PALM: variants seen among roughly 807,000 people sequenced by gnomAD.
PALM encodes paralemmin.
PALM carries 18 observed loss-of-function variants against 30.7 expected under a neutral mutation model. The ratio of observed to expected loss-of-function variants is 0.59; its 90% CI spans 0.41 to 0.87. The LOEUF is 0.87. Ranked by LOEUF, PALM falls within the 40% of genes least tolerant of loss-of-function variation. The pLI is 0.00. For missense variants in PALM, 529 were observed against 555.4 expected (o/e 0.95, Z 0.48); for synonymous variants, 286 against 242.8 (o/e 1.18, Z -1.66).
intron 1 of PALM, among the ~76,000 whole-genome samples, chr19:720,423 G>A (rs1400989899): frequency 4.2e-5 from 6 of 144,410 alleles, no homozygotes; most frequent in Admixed American, 6.8e-5. Context: ...GGCGAGGGGG[G>A]CGCCGGGTCT....
At chr19:733,912 G>C (rs1367987447) in intron 5 of PALM, among the ~76,000 whole-genome samples, 2 of 152,186 alleles carry the variant, frequency 1.3e-5, no homozygotes, top group Non-Finnish European at 2.9e-5. Flanking sequence ...CTTGAACCCA[G>C]GAGGCGGAAG....
intron 2 of PALM, 43 bp from the exon 3 acceptor site, chr19:726,965 G>GGGGGGGGGCCCGGCC: frequency 1.9e-6 from 2 of 1,037,616 alleles, no homozygotes; most frequent in African/African-American, 1.7e-5. Context: ...GGGTCTCCGG[G>GGGGGGGGGCCCGGCC]ACCCCCACGC....
chr19:716,784 A>C (rs944562937), intron 1 of PALM, among the ~76,000 whole-genome samples: 1 of 152,124 alleles, frequency 6.6e-6, no homozygotes, highest in Non-Finnish European at 1.5e-5. Flanking sequence ...CCCATTACAC[A>C]TGCACGTATA....
chr19:735,479 A>G (rs1370302627), intron 6 of PALM, among the ~76,000 whole-genome samples: 4 of 73,802 alleles, frequency 5.4e-5, no homozygotes, highest in East Asian at 6.8e-4. Context: ...CTGGGGGCCC[A>G]GGTGCCTGTG....
intron 1 of PALM, among the ~76,000 whole-genome samples, chr19:720,360 G>GA (rs1266501065): frequency 6.8e-6 from 1 of 147,992 alleles, no homozygotes; most frequent in Non-Finnish European, 1.5e-5. Flanking sequence ...GGGGAAAGGC[G>GA]AGGGGGCGTC....
At chr19:730,273 C>T (rs2067030) in intron 4 of PALM, among the ~76,000 whole-genome samples, 2 of 151,716 alleles carry the variant, frequency 1.3e-5, no homozygotes, top group South Asian at 4.1e-4. Flanking sequence ...ACCTGTCAGC[C>T]TGGGCCCACC....
At chr19:729,807 C>T (rs985945599) in intron 4 of PALM, among the ~76,000 whole-genome samples, 2 of 152,146 alleles carry the variant, frequency 1.3e-5, no homozygotes, top group Non-Finnish European at 2.9e-5. Flanking sequence ...CCAGCTGTGT[C>T]CCTGGGCTGG....
At position 709,347 on chromosome 19, in the gene PALM, C is replaced by G. The variant is rs1410990479; in HGVS notation, c.5+196C>G. Among the ~76,000 whole-genome samples the G allele has an allele frequency of 6.6e-6, 1 of 151,460 alleles. No homozygotes were observed. The highest frequency in any genetic ancestry group is 2.1e-4 in the South Asian group (1 of 4,816). ...GGCCGCGCCTGCCGGGAGGCCTCCC[C>G]GCTCCCGGACCCCGGCTGCCCACCC... On this transcript the variant is annotated intron_variant, in intron 1 of 8. Coordinates refer to ENST00000338448, the MANE Select transcript of PALM (RefSeq NM_002579.3). This position sits in a 1 kb window ranked among gnomAD's most constrained non-coding sequence, Gnocchi z 4.3.
Position 711,203 on chromosome 19 carries a change from G to A in PALM, c.5+2052G>A, listed in dbSNP as rs1331306564. 5 of 984,352 alleles carry A rather than the reference G, an allele frequency of 5.1e-6. No homozygotes were observed. In the Admixed American group the frequency reaches 2.5e-4, roughly 48 times the overall value. 61.0% of individuals were successfully genotyped at this position (984,352 alleles called of 1,614,324 possible). A position where few individuals can be genotyped will look rare whatever the true frequency, so the allele number is the denominator to read the frequency against. ...CACAGGGCCGATGCTGCCAAGGTGA[G>A]GAGAACGTCCAGGAAGGAGCTGGGG... On this transcript the variant is annotated intron_variant, in intron 1 of 8. Transcript: ENST00000338448.
chr19:742,327 G>A lies in PALM; in HGVS notation c.634+1844G>A, dbSNP rs1186679141. Among the ~76,000 whole-genome samples the A allele has an allele frequency of 1.3e-5, 2 of 152,114 alleles. No homozygotes were observed. The stretch of plus-strand genomic sequence containing the variant: ...TTCATAGAAATGAGATCACACGGCC[G>A]GGTGCGGTGGCTCACACCTGTAATC... On this transcript the variant is annotated intron_variant, in intron 8 of 8. Transcript: ENST00000338448. This position sits in a 1 kb window ranked among gnomAD's most constrained non-coding sequence, Gnocchi z 5.5.
At position 727,019 on chromosome 19, in the gene PALM, G is replaced by A. The variant is rs1294364013; in HGVS notation, c.69G>A (p.Lys23=). ...ERLQAIAEKR[K]RQAEIENKRR... ...GGCCCTCCCCACAGGAGAAGCGGAA[G>A]CGGCAGGCGGAGATCGAGAACAAGC... Residue 23 remains lysine, a synonymous_variant, in exon 3 of 9, where the codon AAG becomes AAA. Transcript: ENST00000338448. 4.4e-6 allele frequency: 5 copies of A among 1,126,398 alleles called. No individual in the cohort carries two copies. The highest frequency in any genetic ancestry group is 2.4e-6 in the Non-Finnish European group (2 of 825,696). The allele number at this position is 1,126,398 out of a possible 1,614,324, so 69.8% of individuals were successfully genotyped here. A position where few individuals can be genotyped will look rare whatever the true frequency, so the allele number is the denominator to read the frequency against.
intron 1 of PALM, among the ~76,000 whole-genome samples, chr19:718,911 G>A (rs1369067460): frequency 6.6e-6 from 1 of 152,016 alleles, no homozygotes; most frequent in Non-Finnish European, 1.5e-5. Flanking sequence ...CCAGCGCTCA[G>A]GGGAGACACA....
intron 1 of PALM, among the ~76,000 whole-genome samples, chr19:712,910 A>G (rs2032131646): frequency 6.6e-6 from 1 of 152,104 alleles, no homozygotes; most frequent in Non-Finnish European, 1.5e-5. Flanking sequence ...TCCTGACCTC[A>G]GGTGATCCGC....
intron 6 of PALM, chr19:734,564 G>A (rs533125069): frequency 7.8e-6 from 2 of 257,896 alleles, no homozygotes; most frequent in East Asian, 1.3e-4. Context: ...ATTAGCCGCC[G>A]GCCAGGCCCA....
intron 5 of PALM, among the ~76,000 whole-genome samples, chr19:731,582 G>A (rs4919889): frequency 4.7e-4 from 36 of 77,078 alleles, no homozygotes; most frequent in Non-Finnish European, 4.7e-4. Flanking sequence ...CATCAGAAGG[G>A]CTCAGGGAAG....
intron 1 of PALM, among the ~76,000 whole-genome samples, chr19:717,691 A>C (rs1342707420): frequency 6.6e-6 from 1 of 151,724 alleles, no homozygotes; most frequent in Non-Finnish European, 1.5e-5. Context: ...CTTTAAAAAG[A>C]AGAGGCAGTG....
chr19:742,045 A>T lies in PALM; in HGVS notation c.634+1562A>T, dbSNP rs562284854. On this transcript the variant is annotated intron_variant, in intron 8 of 8. Coordinates refer to ENST00000338448, the MANE Select transcript of PALM (RefSeq NM_002579.3). The surrounding 1 kb of genome is among the most constrained non-coding windows in gnomAD (Gnocchi z 5.5). ...TTTTATGAGATATAATTCGCAGACC[A>T]TAAAATTCCGCCTTAATGGGAGGCT... Among the ~76,000 whole-genome samples, 1 of 152,168 alleles carries T rather than the reference A, an allele frequency of 6.6e-6. No homozygotes were observed. Among genetic ancestry groups the T allele is most frequent in the African/African-American group, 2.4e-5 (1 of 41,504 alleles).
At position 746,053 on chromosome 19, in the gene PALM, G is replaced by A. The variant is rs767998693; in HGVS notation, c.635-232G>A. Among the ~76,000 whole-genome samples the A allele has an allele frequency of 2.1e-4, 32 of 152,200 alleles. No individual in the cohort carries two copies. Among genetic ancestry groups the A allele is most frequent in the African/African-American group, 4.8e-4 (20 of 41,448 alleles). On this transcript the variant is annotated intron_variant, in intron 8 of 8. Transcript: ENST00000338448. This position sits in a 1 kb window ranked among gnomAD's most constrained non-coding sequence, Gnocchi z 7.1. ...AGCCTGGGCGACAGAGTGAGACTCC[G>A]TCTCAAAAAAAATTTTTTTTCCTCA... is the stretch of plus-strand genomic sequence containing the variant.
At chr19:722,136 T>G (rs1240834780) in intron 1 of PALM, among the ~76,000 whole-genome samples, 3 of 151,636 alleles carry the variant, frequency 2.0e-5, no homozygotes, top group Non-Finnish European at 4.4e-5. Context: ...GCCAGGATGG[T>G]CTCGATCTCC....
Sources: allele counts gnomAD v4.1 joint callset (sites outside exome capture counted in the v4.1 genomes callset), GRCh38; gene constraint gnomAD v4.1.1; non-coding constraint Gnocchi (gnomAD v3.1); transcripts MANE v1.5; gene names NCBI Gene and HGNC (gene_info 2026-07-23, HGNC 2026-07-21).